PRMT8: variants seen among roughly 807,000 people sequenced by gnomAD.
PRMT8 encodes protein arginine methyltransferase 8, also known as protein arginine N-methyltransferase 8.
In PRMT8, 7 loss-of-function variants were observed where a neutral mutation model predicts 47.1. That is an observed-to-expected ratio of 0.15 (90% CI 0.08 to 0.28). The LOEUF is 0.28. PRMT8 is among the 10% of genes least tolerant of loss of function. The pLI is 1.00. For missense variants in PRMT8, 237 were observed against 505.4 expected (o/e 0.47, Z 5.09); for synonymous variants, 188 against 186.5 (o/e 1.01, Z -0.07).
At chr12:3,549,804 C>A in intron 2 of PRMT8, 132 bp from the exon 3 acceptor site, 1 of 1,019,694 alleles carries the variant, frequency 9.8e-7, no homozygotes, top group Non-Finnish European at 1.5e-6. Context: ...GTTTTGTCCT[C>A]TGTGGCTCTG....
Position 3,535,586 on chromosome 12 carries a change from C to A in PRMT8, c.76-5020C>A, listed in dbSNP as rs1393383189. ...TCTGCCCTGGGGCCCAAGAACCCAA[C>A]AGGACAAGGCTGGAGGCGATGGTGC... On this transcript the variant is annotated intron_variant, in intron 1 of 9. Coordinates refer to ENST00000382622, the MANE Select transcript of PRMT8 (RefSeq NM_019854.5). This position sits in a 1 kb window ranked among gnomAD's most constrained non-coding sequence, Gnocchi z 4.7. Among the ~76,000 whole-genome samples, 1 of 152,098 alleles carries A rather than the reference C, an allele frequency of 6.6e-6. No individual in the cohort carries two copies. The highest frequency in any genetic ancestry group is 2.4e-5 in the African/African-American group (1 of 41,402).
At chr12:3,418,895 T>C (rs1412791640) in intron 1 of PRMT8, among the ~76,000 whole-genome samples, 1 of 152,028 alleles carries the variant, frequency 6.6e-6, no homozygotes, top group Non-Finnish European at 1.5e-5. Context: ...AGATGGAGGA[T>C]TTAAATGTTA....
At chr12:3,534,156 G>T (rs548314441) in intron 1 of PRMT8, among the ~76,000 whole-genome samples, 4 of 152,244 alleles carry the variant, frequency 2.6e-5, no homozygotes, top group African/African-American at 9.6e-5. Flanking sequence ...TCTTCCCTCC[G>T]TGGGCCCTCC....
intron 1 of PRMT8, among the ~76,000 whole-genome samples, chr12:3,485,670 G>A (rs996987955): frequency 1.3e-5 from 2 of 152,126 alleles, no homozygotes; most frequent in East Asian, 3.9e-4. Context: ...GTTTAATGAA[G>A]AAAGCAAGTT....
Position 3,583,943 on chromosome 12 carries a change from G to A in PRMT8, c.979+735G>A, listed in dbSNP as rs542700680. ...TCAGTGAGGCCTCTTCATTCTCTGG[G>A]CCATGGCTTCTACACACACCAGCCC... On this transcript the variant is annotated intron_variant, in intron 8 of 9. Transcript: ENST00000382622. This position sits in a 1 kb window ranked among gnomAD's most constrained non-coding sequence, Gnocchi z 4.7. Among the ~76,000 whole-genome samples, 3 of 152,292 alleles carry A rather than the reference G, an allele frequency of 2.0e-5. No homozygotes were observed. The highest frequency in any genetic ancestry group is 7.2e-5 in the African/African-American group (3 of 41,554).
intron 1 of PRMT8, among the ~76,000 whole-genome samples, chr12:3,537,546 A>C (rs941306669): frequency 6.6e-6 from 1 of 152,238 alleles, no homozygotes; most frequent in Non-Finnish European, 1.5e-5. Context: ...ATCTTCTCTT[A>C]TATGACTCAA....
chr12:3,478,276 C>A (rs948834504), intron 1 of PRMT8, among the ~76,000 whole-genome samples: 1 of 134,218 alleles, frequency 7.5e-6, no homozygotes, highest in African/African-American at 2.8e-5. Flanking sequence ...ATCTATCTAT[C>A]TATCTATCTA....
chr12:3,423,999 A>G (rs1391867132), intron 1 of PRMT8, among the ~76,000 whole-genome samples: 1 of 152,082 alleles, frequency 6.6e-6, no homozygotes, highest in African/African-American at 2.4e-5. Context: ...ATGGCCATTG[A>G]TTTCCCATTA....
At chr12:3,541,923 G>C (rs1425110310) in intron 2 of PRMT8, among the ~76,000 whole-genome samples, 1 of 152,124 alleles carries the variant, frequency 6.6e-6, no homozygotes, top group Non-Finnish European at 1.5e-5. Context: ...ATTCATCCTT[G>C]ACGGTTTTTT....
At chr12:3,450,869 G>A (rs1490475757) in intron 1 of PRMT8, among the ~76,000 whole-genome samples, 2 of 152,156 alleles carry the variant, frequency 1.3e-5, no homozygotes, top group African/African-American at 4.8e-5. Flanking sequence ...CAAGCACTCA[G>A]CTGTAAACAC....
At chr12:3,496,214 A>ATATATATATATATATATATTTTTTTTTT in intron 1 of PRMT8, among the ~76,000 whole-genome samples, 1 of 27,774 alleles carries the variant, frequency 3.6e-5, no homozygotes, top group African/African-American at 8.8e-5. Flanking sequence ...ATATATATAT[A>ATATATATATATATATATATTTTTTTTTT]TTTTTTTTTT....
chr12:3,543,229 G>A (rs577366327), intron 2 of PRMT8, among the ~76,000 whole-genome samples: 2 of 152,304 alleles, frequency 1.3e-5, no homozygotes, highest in South Asian at 4.1e-4. Flanking sequence ...GGAACAGCTA[G>A]GTAACCTTCC....
chr12:3,423,701 G>A (rs1864568101), intron 1 of PRMT8, among the ~76,000 whole-genome samples: 1 of 152,142 alleles, frequency 6.6e-6, no homozygotes, highest in Non-Finnish European at 1.5e-5. Flanking sequence ...CAGTCCCAGT[G>A]GGACTCTGGG....
chr12:3,591,134 G>A (rs2137239230), intron 8 of PRMT8, among the ~76,000 whole-genome samples: 1 of 152,246 alleles, frequency 6.6e-6, no homozygotes, highest in Middle Eastern at 3.4e-3. Context: ...GGCCTCTGAG[G>A]CAGAACTCCT....
intron 1 of PRMT8, among the ~76,000 whole-genome samples, chr12:3,385,534 A>G (rs1043984124): frequency 2.0e-5 from 3 of 151,836 alleles, no homozygotes; most frequent in African/African-American, 7.3e-5. Context: ...TGATTTAGCC[A>G]TATTATTTTG....
chr12:3,564,721 G>T lies in PRMT8; in HGVS notation c.482-3985G>T, dbSNP rs868199094. ...GAGTTGATGCAGTTTTAGTGACTTG[G>T]GGTCCAGATTGGGCATGGAGCTCTG... is the stretch of plus-strand genomic sequence containing the variant. On this transcript the variant is annotated intron_variant, in intron 4 of 9. Coordinates refer to ENST00000382622, the MANE Select transcript of PRMT8 (RefSeq NM_019854.5). This position sits in a 1 kb window ranked among gnomAD's most constrained non-coding sequence, Gnocchi z 4.0. Among the ~76,000 whole-genome samples, 1 of 152,352 alleles carries T rather than the reference G, an allele frequency of 6.6e-6. No individual in the cohort carries two copies. The highest frequency in any genetic ancestry group is 2.4e-5 in the African/African-American group (1 of 41,588).
intron 1 of PRMT8, among the ~76,000 whole-genome samples, chr12:3,423,955 ACT>A (rs1864573289): frequency 6.6e-6 from 1 of 152,176 alleles, no homozygotes; most frequent in Non-Finnish European, 1.5e-5. Flanking sequence ...TTCGTCAGGA[ACT>A]GGGTCTGTAG....
chr12:3,473,155 C>A (rs1865176764), intron 1 of PRMT8, among the ~76,000 whole-genome samples: 1 of 152,198 alleles, frequency 6.6e-6, no homozygotes, highest in Non-Finnish European at 1.5e-5. Context: ...GCATCACCTG[C>A]ATGCACTGTC....
At chr12:3,486,195 G>A (rs1360756219) in intron 1 of PRMT8, among the ~76,000 whole-genome samples, 4 of 152,072 alleles carry the variant, frequency 2.6e-5, no homozygotes, top group Non-Finnish European at 5.9e-5. Context: ...CATGCTTCTG[G>A]TTGAGGCCCT....
Sources: gnomAD v4.1 joint callset for allele counts (sites outside exome capture counted in the v4.1 genomes callset) on GRCh38, gnomAD v4.1.1 for gene constraint, Gnocchi (gnomAD v3.1) non-coding constraint, MANE v1.5 for transcripts, NCBI Gene and HGNC (gene_info 2026-07-23, HGNC 2026-07-21) for gene names.